TRIQK: variants seen among roughly 807,000 people sequenced by gnomAD.
The protein encoded by TRIQK is triple QxxK/R motif containing.
TRIQK carries 10 observed loss-of-function variants against 10.8 expected under a neutral mutation model. The observed-to-expected ratio is 0.92, with a 90% CI of 0.57 to 1.57. The LOEUF (loss-of-function observed/expected upper bound fraction) is 1.57. Ranked by LOEUF, TRIQK falls within the 40% of genes most tolerant of loss-of-function variation. TRIQK has a pLI of 0.00. For missense variants in TRIQK, 107 were observed against 97.7 expected (o/e 1.09, Z -0.40); for synonymous variants, 33 against 33.7 (o/e 0.98, Z 0.07).
intron 2 of TRIQK, among the ~76,000 whole-genome samples, chr8:92,925,613 T>C (rs950247018): frequency 6.6e-5 from 10 of 152,062 alleles, no homozygotes; most frequent in Admixed American, 2.0e-4. Flanking sequence ...GATATATAAA[T>C]GACAAGCACA....
At chr8:92,898,922 T>A (rs1808770894) in intron 3 of TRIQK, among the ~76,000 whole-genome samples, 1 of 140,564 alleles carries the variant, frequency 7.1e-6, no homozygotes, top group South Asian at 2.3e-4. Flanking sequence ...TGCATGATAA[T>A]CACATCAGGG....
chr8:92,988,002 T>A, intron 1 of TRIQK, among the ~76,000 whole-genome samples: 2 of 1,134 alleles, frequency 1.8e-3, no homozygotes. Context: ...TATACTTTCT[T>A]TTTTTTTTTT....
intron 2 of TRIQK, among the ~76,000 whole-genome samples, chr8:92,941,800 C>T (rs1811283237): frequency 6.6e-6 from 1 of 151,968 alleles, no homozygotes; most frequent in Non-Finnish European, 1.5e-5. Flanking sequence ...TAATTATGAA[C>T]AAGTGTATGA....
intron 3 of TRIQK, among the ~76,000 whole-genome samples, chr8:92,909,305 A>G (rs1809445749): frequency 6.6e-6 from 1 of 151,988 alleles, no homozygotes; most frequent in Non-Finnish European, 1.5e-5. Flanking sequence ...CCAGGAGATT[A>G]CCATCAGCAT....
At chr8:92,985,375 T>C (rs975802231) in intron 1 of TRIQK, among the ~76,000 whole-genome samples, 3 of 152,206 alleles carry the variant, frequency 2.0e-5, no homozygotes, top group African/African-American at 7.2e-5. Context: ...ATTCCATTCC[T>C]CCTAGCTCCT....
chr8:92,903,950 T>A (rs1317791831), intron 3 of TRIQK, among the ~76,000 whole-genome samples: 7 of 151,966 alleles, frequency 4.6e-5, no homozygotes, highest in African/African-American at 1.7e-4. Context: ...CAAAGCGAGA[T>A]ATGTATTGTT....
intron 2 of TRIQK, among the ~76,000 whole-genome samples, chr8:92,926,766 T>C (rs1252497572): frequency 6.6e-6 from 1 of 152,230 alleles, no homozygotes; most frequent in African/African-American, 2.4e-5. Flanking sequence ...GCAGTAGCTC[T>C]GTTTTCACTA....
intron 2 of TRIQK, among the ~76,000 whole-genome samples, chr8:92,918,689 G>A (rs369793876): frequency 6.6e-6 from 1 of 151,750 alleles, no homozygotes; most frequent in African/African-American, 2.4e-5. Flanking sequence ...TTTGTTGATT[G>A]TTTTCTTTGC....
At chr8:92,971,273 A>C (rs1211818533) in intron 1 of TRIQK, among the ~76,000 whole-genome samples, 1 of 152,130 alleles carries the variant, frequency 6.6e-6, no homozygotes, top group Non-Finnish European at 1.5e-5. Flanking sequence ...CCTGTTCAGC[A>C]TGGTATTGGA....
chr8:92,951,479 G>A (rs979113008), intron 2 of TRIQK, among the ~76,000 whole-genome samples: 1 of 152,008 alleles, frequency 6.6e-6, no homozygotes, highest in Admixed American at 6.6e-5. Flanking sequence ...ATCGTCACAG[G>A]AACCAGTGCT....
intron 2 of TRIQK, among the ~76,000 whole-genome samples, chr8:92,950,609 A>G (rs1451394023): frequency 6.6e-6 from 1 of 152,114 alleles, no homozygotes; most frequent in Non-Finnish European, 1.5e-5. Context: ...TGTGCAGGTT[A>G]ATACTGTTCC....
intron 2 of TRIQK, chr8:92,921,433 T>C (rs1810180175): frequency 6.6e-6 from 1 of 151,844 alleles, no homozygotes; most frequent in Non-Finnish European, 1.5e-5. Context: ...TGATGTTAGT[T>C]GTGGACACAT....
chr8:92,984,555 GA>G (rs1813014709), intron 1 of TRIQK, among the ~76,000 whole-genome samples: 1 of 152,110 alleles, frequency 6.6e-6, no homozygotes, highest in Non-Finnish European at 1.5e-5. Context: ...TCAAAGGATT[GA>G]AAACAGAAAA....
At chr8:92,990,617 G>C (rs564097023) in intron 1 of TRIQK, among the ~76,000 whole-genome samples, 2 of 152,210 alleles carry the variant, frequency 1.3e-5, no homozygotes, top group African/African-American at 2.4e-5. Flanking sequence ...CTGAAGCAGC[G>C]TGGGAAGTCG....
At chr8:92,998,084 A>C (rs1292468505) in intron 1 of TRIQK, among the ~76,000 whole-genome samples, 1 of 151,944 alleles carries the variant, frequency 6.6e-6, no homozygotes, top group Non-Finnish European at 1.5e-5. Context: ...TACAAATGAA[A>C]ACAGTATAAA....
At chr8:92,961,593 TA>T (rs1216897389) in intron 1 of TRIQK, among the ~76,000 whole-genome samples, 1 of 152,246 alleles carries the variant, frequency 6.6e-6, no homozygotes, top group Admixed American at 6.5e-5. Context: ...AAACTTTCAA[TA>T]CAGTGCACCT....
chr8:92,895,871 G>C (rs1262065537), intron 3 of TRIQK, among the ~76,000 whole-genome samples: 1 of 152,040 alleles, frequency 6.6e-6, no homozygotes, highest in Non-Finnish European at 1.5e-5. Context: ...ACAATTAAAA[G>C]AGAAACAGGA....
Position 92,883,737 on chromosome 8 carries a change from T to C in TRIQK, c.*2885A>G, listed in dbSNP as rs977795398. On this transcript the variant is annotated 3_prime_UTR_variant, in exon 5 of 5. Coordinates refer to ENST00000521988, the MANE Select transcript of TRIQK (RefSeq NM_001171797.2). ...ACTCTCAAGATCTTACAGTCATTGGTTGGGGTGAAAGTATTTCTTCTGTCT... is the reference window on the plus strand; with the variant it reads ...ACTCTCAAGATCTTACAGTCATTGGCTGGGGTGAAAGTATTTCTTCTGTCT... The C allele has an allele frequency of 1.3e-5, 2 of 151,726 alleles. No homozygotes were observed. The highest frequency in any genetic ancestry group is 2.9e-5 in the Non-Finnish European group (2 of 67,812). 9.4% of individuals were successfully genotyped at this position (151,726 alleles called of 1,614,324 possible). A position where few individuals can be genotyped will look rare whatever the true frequency, so the allele number is the denominator to read the frequency against.
intron 1 of TRIQK, among the ~76,000 whole-genome samples, chr8:93,011,179 T>TACACACAC (rs553408139): frequency 7.2e-6 from 1 of 138,750 alleles, no homozygotes; most frequent in Non-Finnish European, 1.6e-5. Context: ...TACACATACA[T>TACACACAC]ACACACACAC....
Sources: allele counts gnomAD v4.1 joint callset (sites outside exome capture counted in the v4.1 genomes callset), GRCh38; gene constraint gnomAD v4.1.1; transcripts MANE v1.5; gene names NCBI Gene and HGNC (gene_info 2026-07-23, HGNC 2026-07-21).